Variants in JAZF1 observed in about 807,000 individuals in gnomAD.
JAZF1 encodes JAZF zinc finger 1.
JAZF1 carries 8 observed loss-of-function variants against 26.4 expected under a neutral mutation model. That is an observed-to-expected ratio of 0.30 (90% CI 0.18 to 0.55). The LOEUF (loss-of-function observed/expected upper bound fraction) is 0.55, where lower values mean the gene tolerates loss of function less well. Among genes scored for constraint, JAZF1 ranks in the 20% least tolerant of loss-of-function variants. The pLI is 0.94. For synonymous variants in JAZF1, 126 were observed against 122.3 expected, an observed-to-expected ratio of 1.03 and a Z score of -0.20; for missense variants, 199 against 322.0, an observed-to-expected ratio of 0.62 and a Z score of 2.92.
intron 2 of JAZF1, among the ~76,000 whole-genome samples, chr7:27,956,625 C>T (rs564718453): frequency 1.3e-5 from 2 of 152,278 alleles, no homozygotes; most frequent in Admixed American, 1.3e-4. Context: ...GTGCCAGGGA[C>T]TGCTCTTCTG....
At chr7:28,007,321 T>C (rs371888775) in intron 1 of JAZF1, among the ~76,000 whole-genome samples, 71 of 152,118 alleles carry the variant, frequency 4.7e-4, no homozygotes, top group African/African-American at 1.6e-3. Context: ...TAAAAAAAAT[T>C]AGCCGGGTGT....
intron 1 of JAZF1, among the ~76,000 whole-genome samples, chr7:28,105,860 A>T (rs1386498890): frequency 6.6e-6 from 1 of 152,116 alleles, no homozygotes; most frequent in Non-Finnish European, 1.5e-5. Flanking sequence ...ACAGCATCTC[A>T]TCCTCATCAA....
At chr7:28,084,213 C>T (rs1204560445) in intron 1 of JAZF1, among the ~76,000 whole-genome samples, 3 of 152,142 alleles carry the variant, frequency 2.0e-5, no homozygotes, top group South Asian at 2.1e-4. Flanking sequence ...AAACCTAACA[C>T]TTGCCCAGTA....
At chr7:28,112,700 T>C (rs1784681420) in intron 1 of JAZF1, among the ~76,000 whole-genome samples, 1 of 152,106 alleles carries the variant, frequency 6.6e-6, no homozygotes, top group South Asian at 2.1e-4. Flanking sequence ...CAAACAAGAA[T>C]GAATGGTGGG....
chr7:28,091,635 TACAC>T (rs1017635287), intron 1 of JAZF1, among the ~76,000 whole-genome samples: 10 of 147,888 alleles, frequency 6.8e-5, no homozygotes, highest in Non-Finnish European at 1.0e-4. Flanking sequence ...TATATATATA[TACAC>T]ACACACAGAC....
In JAZF1 at chr7:27,832,170, T is replaced by C; in HGVS notation, c.*630A>G. 4.7e-6 allele frequency: 1 copy of C among 212,608 alleles called. No homozygotes were observed. Among genetic ancestry groups the C allele is most frequent in the Non-Finnish European group, 9.5e-6 (1 of 104,752 alleles). 13.2% of individuals were successfully genotyped at this position (212,608 alleles called of 1,614,324 possible). ...AGTCAGATGGCAAGATTTTCAGCTT[T>C]TTAAAGGGCAAAAGGATTTGCAAGA... On this transcript the variant is annotated 3_prime_UTR_variant, in exon 5 of 5. Coordinates refer to ENST00000283928, the MANE Select transcript of JAZF1 (RefSeq NM_175061.4).
At chr7:27,901,990 C>T (rs1027707118) in intron 2 of JAZF1, among the ~76,000 whole-genome samples, 1 of 152,144 alleles carries the variant, frequency 6.6e-6, no homozygotes, top group East Asian at 1.9e-4. Flanking sequence ...GGCCTGCAAC[C>T]TGCAATTTTG....
intron 1 of JAZF1, among the ~76,000 whole-genome samples, chr7:28,045,362 A>T (rs1472581474): frequency 1.3e-5 from 2 of 152,298 alleles, no homozygotes; most frequent in East Asian, 3.9e-4. Flanking sequence ...GAATGGGAAG[A>T]GTTTCTAAGG....
At chr7:28,010,663 T>C (rs983536206) in intron 1 of JAZF1, among the ~76,000 whole-genome samples, 1 of 152,198 alleles carries the variant, frequency 6.6e-6, no homozygotes, top group Non-Finnish European at 1.5e-5. Context: ...TCAGGTATAT[T>C]AAAAAGATAG....
At chr7:28,072,045 G>C (rs1783986214) in intron 1 of JAZF1, among the ~76,000 whole-genome samples, 2 of 152,194 alleles carry the variant, frequency 1.3e-5, no homozygotes. Context: ...CACGTCTTCT[G>C]TTCTAAAATC....
At chr7:28,050,279 G>A (rs769576532) in intron 1 of JAZF1, among the ~76,000 whole-genome samples, 26 of 152,128 alleles carry the variant, frequency 1.7e-4, no homozygotes, top group East Asian at 3.9e-4. Context: ...TTATTATGTC[G>A]CAAGGCAAAT....
At chr7:28,146,363 T>C (rs1184414171) in intron 1 of JAZF1, among the ~76,000 whole-genome samples, 1 of 152,248 alleles carries the variant, frequency 6.6e-6, no homozygotes, top group Non-Finnish European at 1.5e-5. Flanking sequence ...TACCAGATGA[T>C]CTGTAACTTG....
rs1017988322 is a variant in JAZF1, at chr7:28,161,239, T to C, written c.115+19224A>G. ...CCTTTTGGTTTTTACTTTTTTTAAC[T>C]TGAAAAATCCTTTAATCTAAAAAAA... is the stretch of plus-strand genomic sequence containing the variant. On this transcript the variant is annotated intron_variant, in intron 1 of 4. Transcript: ENST00000283928. Among the ~76,000 whole-genome samples the C allele has an allele frequency of 2.5e-4, 33 of 131,726 alleles. 1 individual carries two copies. The highest frequency in any genetic ancestry group is 9.2e-4 in the African/African-American group (32 of 34,674). 86.4% of individuals were successfully genotyped at this position (131,726 alleles called of 152,430 possible). A position where few individuals can be genotyped will look rare whatever the true frequency, so the allele number is the denominator to read the frequency against.
chr7:27,991,722 A>AG, intron 2 of JAZF1, among the ~76,000 whole-genome samples, 187 bp downstream of exon 2: 1 of 152,342 alleles, frequency 6.6e-6, no homozygotes, highest in African/African-American at 2.4e-5. Context: ...ATATGCACAG[A>AG]GCATTACAAT....
At chr7:27,833,220 G>A (rs1280736088) in intron 4 of JAZF1, 1 of 283,878 alleles carries the variant, frequency 3.5e-6, no homozygotes, top group Non-Finnish European at 6.5e-6. Context: ...GAAAATGAAA[G>A]TACTGATTTC....
chr7:27,967,431 A>C (rs925910562), intron 2 of JAZF1, among the ~76,000 whole-genome samples: 12 of 152,276 alleles, frequency 7.9e-5, no homozygotes, highest in Admixed American at 5.2e-4. Flanking sequence ...ATAGTGATAA[A>C]GGGAGGGACC....
chr7:28,001,590 C>A (rs758064216), intron 1 of JAZF1, among the ~76,000 whole-genome samples: 1 of 152,154 alleles, frequency 6.6e-6, no homozygotes, highest in Non-Finnish European at 1.5e-5. Flanking sequence ...ACAGTTTGAG[C>A]AGATAAACAG....
chr7:28,125,006 C>A (rs2127939427), intron 1 of JAZF1, among the ~76,000 whole-genome samples: 1 of 152,276 alleles, frequency 6.6e-6, no homozygotes, highest in South Asian at 2.1e-4. Context: ...CCTGATCTAG[C>A]CTACAAACCA....
rs1784513274 is a variant in JAZF1 at position 27,920,674 on chromosome 7, C to G, written c.189-25258G>C. On this transcript the variant is annotated intron_variant, in intron 2 of 4. Coordinates refer to ENST00000283928, the MANE Select transcript of JAZF1 (RefSeq NM_175061.4). ...GCCAGCAGCAAGTGCCTCCAGCTGT[C>G]TGATCTGCCTCAGTAGCCCAGCACA... 2.6e-5 allele frequency among the ~76,000 whole-genome samples: 4 copies of G among 152,332 alleles called. No individual in the cohort carries two copies. In the East Asian group the frequency reaches 7.7e-4, roughly 29 times the overall value.
Sources: allele counts gnomAD v4.1 joint callset (sites outside exome capture counted in the v4.1 genomes callset), GRCh38; gene constraint gnomAD v4.1.1; transcripts MANE v1.5; gene names NCBI Gene and HGNC (gene_info 2026-07-23, HGNC 2026-07-21).